The following CADPS2 variants were observed in gnomAD, a reference collection of about 807,000 sequenced individuals.
CADPS2 encodes calcium-dependent secretion activator 2.
CADPS2 carries 93 observed loss-of-function variants against 172.5 expected under a neutral mutation model. The observed-to-expected ratio is 0.54, with a 90% CI of 0.46 to 0.64. The LOEUF (loss-of-function observed/expected upper bound fraction) is 0.64, where lower values mean the gene tolerates loss of function less well. Ranked by LOEUF, CADPS2 falls within the 30% of genes least tolerant of loss-of-function variation. The probability of loss-of-function intolerance (pLI) is 0.00; values close to 1 mark genes in which losing one functional copy is unlikely to be tolerated. For synonymous variants in CADPS2, 546 were observed against 555.2 expected, an observed-to-expected ratio of 0.98 and a Z score of 0.23; for missense variants, 1,420 against 1,565.9, an observed-to-expected ratio of 0.91 and a Z score of 1.57.
chr7:122,673,361 C>T (rs2082063306), intron 2 of CADPS2, among the ~76,000 whole-genome samples: 2 of 152,190 alleles, frequency 1.3e-5, no homozygotes, highest in Non-Finnish European at 2.9e-5. Context: ...ACAGGGTGCT[C>T]ATTGGTGCAT....
chr7:122,780,910 C>T (rs1208417354), intron 1 of CADPS2, among the ~76,000 whole-genome samples: 3 of 152,168 alleles, frequency 2.0e-5, no homozygotes, highest in Non-Finnish European at 4.4e-5. Flanking sequence ...CACTCTTACA[C>T]ATGTATTCTT....
intron 2 of CADPS2, among the ~76,000 whole-genome samples, chr7:122,667,923 G>A (rs2135479229): frequency 6.6e-6 from 1 of 152,256 alleles, no homozygotes; most frequent in South Asian, 2.1e-4. Context: ...ATAAGAGTGG[G>A]GGCCACGTGG....
intron 14 of CADPS2, among the ~76,000 whole-genome samples, chr7:122,459,352 A>G (rs1270659974): frequency 6.6e-6 from 1 of 152,026 alleles, no homozygotes; most frequent in East Asian, 1.9e-4. Flanking sequence ...TGTTTAACCC[A>G]TATCCAAATG....
chr7:122,371,071 T>C lies in CADPS2; in HGVS notation c.3387+8297A>G, dbSNP rs2041705892. 2.0e-5 allele frequency among the ~76,000 whole-genome samples: 3 copies of C among 152,270 alleles called. 1 individual carries two copies. In the South Asian group the frequency reaches 6.2e-4, roughly 32 times the overall value. On this transcript the variant is annotated intron_variant, in intron 25 of 29. Coordinates refer to ENST00000449022, the MANE Select transcript of CADPS2 (RefSeq NM_017954.11). ...TACAAGGAATACAGTGTTCCCCAAA[T>C]GGGTTAGTAACCTCATCTCATGGGA... is the stretch of plus-strand genomic sequence containing the variant.
At chr7:122,783,377 GTTCCTT>G (rs1793256077) in intron 1 of CADPS2, among the ~76,000 whole-genome samples, 1 of 151,660 alleles carries the variant, frequency 6.6e-6, no homozygotes, top group African/African-American at 2.4e-5. Flanking sequence ...ATTGTTTCTT[GTTCCTT>G]TTCCTTATGT....
At chr7:122,691,145 T>C (rs550939721) in intron 2 of CADPS2, among the ~76,000 whole-genome samples, 6 of 152,206 alleles carry the variant, frequency 3.9e-5, no homozygotes, top group Non-Finnish European at 7.3e-5. Flanking sequence ...GGGGAGTCAC[T>C]ACCCATGAAT....
chr7:122,885,187 G>T (rs1824004485), intron 1 of CADPS2, among the ~76,000 whole-genome samples: 1 of 152,146 alleles, frequency 6.6e-6, no homozygotes, highest in African/African-American at 2.4e-5. Flanking sequence ...AGAACATCAG[G>T]CCCCTGGGGT....
At position 122,705,774 on chromosome 7, in the gene CADPS2, T is replaced by TATCA. The variant is rs1473087341; in HGVS notation, c.453+31180_453+31181insTGAT. Among the ~76,000 whole-genome samples, 2 of 14,930 alleles carry TATCA rather than the reference T, an allele frequency of 1.3e-4. 1 individual carries two copies. The highest frequency in any genetic ancestry group is 5.2e-4 in the African/African-American group (2 of 3,872). The allele number at this position is 14,930 out of a possible 152,430, so 9.8% of individuals were successfully genotyped here. A position where few individuals can be genotyped will look rare whatever the true frequency, so the allele number is the denominator to read the frequency against. On this transcript the variant is annotated intron_variant, in intron 2 of 29. Transcript: ENST00000449022. The stretch of plus-strand genomic sequence containing the variant: ...TATATAATATATAATATATGATATA[T>TATCA]TATATAATATATATCATATATAATA...
chr7:122,578,774 C>G (rs964745945), intron 7 of CADPS2, among the ~76,000 whole-genome samples: 1 of 152,046 alleles, frequency 6.6e-6, no homozygotes, highest in African/African-American at 2.4e-5. Flanking sequence ...TCAGAGAGAA[C>G]AAGGTGGTAA....
chr7:122,624,394 A>G (rs2075883659), intron 4 of CADPS2, among the ~76,000 whole-genome samples: 1 of 152,148 alleles, frequency 6.6e-6, no homozygotes, highest in Non-Finnish European at 1.5e-5. Flanking sequence ...CATTATTCAA[A>G]TATAGTCACT....
At chr7:122,356,445 T>G (rs2039416861) in intron 27 of CADPS2, among the ~76,000 whole-genome samples, 1 of 152,224 alleles carries the variant, frequency 6.6e-6, no homozygotes, top group Non-Finnish European at 1.5e-5. Flanking sequence ...TTTGATCAAC[T>G]GGCTGGGGTA....
At position 122,321,634 on chromosome 7, in the gene CADPS2, A is replaced by T. The variant is rs796088946; in HGVS notation, c.3718-1296T>A. Among the ~76,000 whole-genome samples the T allele has an allele frequency of 2.0e-5, 3 of 152,036 alleles. No homozygotes were observed. In the South Asian group the frequency reaches 6.2e-4, roughly 32 times the overall value. On this transcript the variant is annotated intron_variant, in intron 29 of 29. Coordinates refer to ENST00000449022, the MANE Select transcript of CADPS2 (RefSeq NM_017954.11). ...CTCCCGAGTAGCTGGGATTACAGGC[A>T]CATGCCACCATGCCCAGCTAATTTT...
At chr7:122,586,901 C>A (rs1180354818) in intron 6 of CADPS2, among the ~76,000 whole-genome samples, 1 of 151,794 alleles carries the variant, frequency 6.6e-6, no homozygotes, top group Non-Finnish European at 1.5e-5. Context: ...ACAGTGAGTG[C>A]TTTTAAAAAT....
rs2062849723 is a variant in CADPS2 at position 122,540,929 on chromosome 7, A to T, written c.1475+13621T>A. ...TGATTTTAATTAAGAAATAATTTTT[A>T]ACCCATTTATTCATAATATGACTTT... On this transcript the variant is annotated intron_variant, in intron 8 of 29. Coordinates refer to ENST00000449022, the MANE Select transcript of CADPS2 (RefSeq NM_017954.11). Among the ~76,000 whole-genome samples the T allele has an allele frequency of 2.0e-5, 3 of 152,134 alleles. No homozygotes were observed. In the South Asian group the frequency reaches 6.2e-4, roughly 31 times the overall value.
At chr7:122,393,642 T>A in intron 20 of CADPS2, 60 bp from the exon 21 acceptor site, 3 of 1,591,956 alleles carry the variant, frequency 1.9e-6, no homozygotes, top group Non-Finnish European at 2.6e-6. Flanking sequence ...ATTTGGAAAA[T>A]ATGGGCCAAA....
intron 8 of CADPS2, among the ~76,000 whole-genome samples, chr7:122,546,522 C>G (rs2063634572): frequency 6.6e-6 from 1 of 151,492 alleles, no homozygotes; most frequent in South Asian, 2.1e-4. Flanking sequence ...CATAAACACT[C>G]ATTTTCTCCT....
chr7:122,484,236 A>G (rs563326357), intron 11 of CADPS2, among the ~76,000 whole-genome samples: 15 of 152,328 alleles, frequency 9.8e-5, no homozygotes, highest in African/African-American at 3.6e-4. Context: ...AGAGAAATCA[A>G]TTTGGAGGAC....
chr7:122,553,880 G>A (rs1356829946), intron 8 of CADPS2, among the ~76,000 whole-genome samples: 2 of 152,076 alleles, frequency 1.3e-5, no homozygotes, highest in Admixed American at 6.6e-5. Context: ...AGTCCAAAGT[G>A]TTATTCTGAG....
At chr7:122,552,810 T>G (rs549966284) in intron 8 of CADPS2, among the ~76,000 whole-genome samples, 3 of 148,828 alleles carry the variant, frequency 2.0e-5, no homozygotes, top group African/African-American at 4.9e-5. Context: ...GTGCCATTCA[T>G]CAAAAGAAAA....
Sources: gnomAD v4.1 joint callset for allele counts (sites outside exome capture counted in the v4.1 genomes callset) on GRCh38, gnomAD v4.1.1 for gene constraint, MANE v1.5 for transcripts, NCBI Gene and HGNC (gene_info 2026-07-23, HGNC 2026-07-21) for gene names.